CRACDL: variants seen among roughly 807,000 people sequenced by gnomAD.
CRACDL encodes CRACD like.
Under a neutral mutation model 70.6 loss-of-function variants are expected in CRACDL, and 26 were observed. The ratio of observed to expected loss-of-function variants is 0.37; its 90% CI spans 0.27 to 0.51. CRACDL has a LOEUF of 0.51. CRACDL is among the 20% of genes least tolerant of loss of function. The probability of loss-of-function intolerance (pLI) is 0.94; values close to 1 mark genes in which losing one functional copy is unlikely to be tolerated. For missense variants in CRACDL, 1,283 were observed against 1,376.9 expected (o/e 0.93, Z 1.08); for synonymous variants, 618 against 615.2 (o/e 1.00, Z -0.07).
chr2:98,840,522 T>C (rs1415923894), intron 2 of CRACDL, among the ~76,000 whole-genome samples: 2 of 152,202 alleles, frequency 1.3e-5, no homozygotes, highest in Non-Finnish European at 2.9e-5. Context: ...TTAAATTGTG[T>C]TGTCCAAGTA....
intron 3 of CRACDL, among the ~76,000 whole-genome samples, chr2:98,834,200 C>T (rs190387371): frequency 6.8e-4 from 104 of 152,346 alleles, no homozygotes; most frequent in South Asian, 1.2e-3. Flanking sequence ...AGCACCTCCG[C>T]TTTGGATGTA....
chr2:98,819,768 A>C (rs1397668898), intron 7 of CRACDL, among the ~76,000 whole-genome samples: 1 of 143,730 alleles, frequency 7.0e-6, no homozygotes, highest in Non-Finnish European at 1.5e-5. Flanking sequence ...ACTGGGTTCT[A>C]TTTCCTCTCT....
At chr2:98,923,932 G>A (rs545260948) in intron 1 of CRACDL, among the ~76,000 whole-genome samples, 47 of 152,314 alleles carry the variant, frequency 3.1e-4, no homozygotes, top group Admixed American at 8.5e-4. Context: ...TCCTTGGAGG[G>A]AATTTGATGG....
chr2:98,803,612 T>C (rs980341495), intron 7 of CRACDL, among the ~76,000 whole-genome samples: 1 of 152,260 alleles, frequency 6.6e-6, no homozygotes, highest in East Asian at 1.9e-4. Flanking sequence ...CTTTGGCATA[T>C]GCTACTTCCA....
At chr2:98,920,153 G>A (rs534518025) in intron 1 of CRACDL, among the ~76,000 whole-genome samples, 16 of 152,236 alleles carry the variant, frequency 1.1e-4, no homozygotes, top group South Asian at 8.3e-4. Context: ...GGAAACAACC[G>A]AAATATGTAA....
intron 1 of CRACDL, among the ~76,000 whole-genome samples, chr2:98,859,096 T>G (rs1002257641): frequency 2.0e-5 from 3 of 152,122 alleles, no homozygotes; most frequent in African/African-American, 7.2e-5. Context: ...CAAACGCCTC[T>G]CAAAAATATA....
intron 7 of CRACDL, among the ~76,000 whole-genome samples, chr2:98,813,082 C>T (rs12618308): frequency 6.6e-6 from 1 of 152,000 alleles, no homozygotes; most frequent in African/African-American, 2.4e-5. Flanking sequence ...ATGAATATTC[C>T]TATGCTTCAG....
rs759470403 is a variant in CRACDL, at chr2:98,823,357, G to A, written c.916C>T (p.Arg306Cys). ...PAPLPPPGGA[R>C]ARRARLQHSS... ...TGCTGCAGGCGGGCGCGTCTGGCACGGGCCCCTCCGGGTGGCGGCAAGGGC... is the reference window on the plus strand; with the variant it reads ...TGCTGCAGGCGGGCGCGTCTGGCACAGGCCCCTCCGGGTGGCGGCAAGGGC... Residue 306 changes from arginine (R) to cysteine (C), a missense_variant, in exon 7 of 10, where the codon CGT becomes TGT. Arg to Cys is a radical substitution (Grantham distance 180, BLOSUM62 -3). Coordinates refer to ENST00000397899, the MANE Select transcript of CRACDL (RefSeq NM_207362.3). The surrounding 1 kb of genome is among the most constrained non-coding windows in gnomAD (Gnocchi z 4.0). The A allele has an allele frequency of 1.2e-5, 19 of 1,520,578 alleles. No homozygotes were observed. The highest frequency in any genetic ancestry group is 4.2e-5 in the Admixed American group (2 of 47,318). The allele number at this position is 1,520,578 out of a possible 1,614,324, so 94.2% of individuals were successfully genotyped here.
chr2:98,846,870 G>C, intron 1 of CRACDL, 60 bp from the exon 2 acceptor site: 2 of 1,384,612 alleles, frequency 1.4e-6, no homozygotes, highest in Non-Finnish European at 2.1e-6. Flanking sequence ...ACCAATGAGT[G>C]AAATGGTGTT....
chr2:98,805,661 C>T (rs1704260764), intron 7 of CRACDL, among the ~76,000 whole-genome samples: 1 of 152,194 alleles, frequency 6.6e-6, no homozygotes, highest in East Asian at 1.9e-4. Context: ...CACACAGACT[C>T]ACTTTGCAGC....
intron 1 of CRACDL, among the ~76,000 whole-genome samples, chr2:98,935,543 T>C (rs1175328009): frequency 6.6e-6 from 1 of 152,188 alleles, no homozygotes; most frequent in Non-Finnish European, 1.5e-5. Flanking sequence ...GTCCACTCCT[T>C]TCCCCTGCAA....
intron 1 of CRACDL, among the ~76,000 whole-genome samples, chr2:98,911,110 G>T (rs1448331184): frequency 1.3e-5 from 2 of 152,186 alleles, no homozygotes; most frequent in Non-Finnish European, 2.9e-5. Context: ...AGAGGTGAGA[G>T]ACCCCCACGC....
intron 1 of CRACDL, among the ~76,000 whole-genome samples, chr2:98,847,445 A>G (rs1055849839): frequency 7.9e-5 from 12 of 152,208 alleles, no homozygotes; most frequent in African/African-American, 2.4e-4. Flanking sequence ...AATATGAACA[A>G]CATATAATGA....
At chr2:98,848,707 C>G (rs569314199) in intron 1 of CRACDL, among the ~76,000 whole-genome samples, 10 of 152,290 alleles carry the variant, frequency 6.6e-5, no homozygotes, top group African/African-American at 2.4e-4. Context: ...CCTCAGCCCC[C>G]CCACAAATAG....
At chr2:98,885,609 A>C (rs990259613) in intron 1 of CRACDL, among the ~76,000 whole-genome samples, 1 of 152,182 alleles carries the variant, frequency 6.6e-6, no homozygotes, top group Non-Finnish European at 1.5e-5. Flanking sequence ...GAAAATGCAG[A>C]TGAAAATATG....
intron 1 of CRACDL, chr2:98,897,338 C>T (rs989038813): frequency 3.1e-6 from 4 of 1,287,636 alleles, no homozygotes; most frequent in East Asian, 5.6e-5. Context: ...CTGACAGCAT[C>T]GCTAAATATA....
chr2:98,848,021 A>G (rs530450873), intron 1 of CRACDL, among the ~76,000 whole-genome samples: 1 of 152,316 alleles, frequency 6.6e-6, no homozygotes, highest in South Asian at 2.1e-4. Context: ...TTTGGCTTCA[A>G]AAAAATGTCC....
At chr2:98,933,570 G>A (rs1056253841) in intron 1 of CRACDL, among the ~76,000 whole-genome samples, 4 of 152,008 alleles carry the variant, frequency 2.6e-5, no homozygotes, top group Non-Finnish European at 5.9e-5. Context: ...ATAAACCCTG[G>A]GCAGGTTTCC....
At chr2:98,806,364 G>A (rs547578249) in intron 7 of CRACDL, among the ~76,000 whole-genome samples, 1 of 152,266 alleles carries the variant, frequency 6.6e-6, no homozygotes, top group Non-Finnish European at 1.5e-5. Context: ...CATGTGTATT[G>A]GGGGCACCCC....
Sources: gnomAD v4.1 joint callset for allele counts (sites outside exome capture counted in the v4.1 genomes callset) on GRCh38, gnomAD v4.1.1 for gene constraint, Gnocchi (gnomAD v3.1) non-coding constraint, MANE v1.5 for transcripts, NCBI Gene and HGNC (gene_info 2026-07-23, HGNC 2026-07-21) for gene names.